The following SH3PXD2A variants were observed in gnomAD, a reference collection of about 807,000 sequenced individuals.
SH3PXD2A encodes SH3 and PX domain-containing protein 2A.
In SH3PXD2A, 32 loss-of-function variants were observed where a neutral mutation model predicts 115.2. The observed-to-expected ratio is 0.28, with a 90% CI of 0.21 to 0.37. The LOEUF (loss-of-function observed/expected upper bound fraction) is 0.37. SH3PXD2A is among the 10% of genes least tolerant of loss of function. The probability of loss-of-function intolerance (pLI) is 1.00; values close to 1 mark genes in which losing one functional copy is unlikely to be tolerated. For synonymous variants in SH3PXD2A, 610 were observed against 629.1 expected (o/e 0.97, Z 0.45); for missense variants, 1,328 against 1,498.7 (o/e 0.89, Z 1.88).
At chr10:103,643,509 A>G (rs2036986146) in intron 8 of SH3PXD2A, among the ~76,000 whole-genome samples, 1 of 152,230 alleles carries the variant, frequency 6.6e-6, no homozygotes, top group Non-Finnish European at 1.5e-5. Flanking sequence ...AACACATACA[A>G]TGAAACAATG....
intron 11 of SH3PXD2A, among the ~76,000 whole-genome samples, chr10:103,616,927 T>C (rs993489379): frequency 2.6e-5 from 4 of 152,268 alleles, no homozygotes; most frequent in African/African-American, 9.6e-5. Context: ...TGGGAAGGGA[T>C]TGCACCACAG....
chr10:103,711,328 T>C (rs1026807795), intron 5 of SH3PXD2A, among the ~76,000 whole-genome samples: 3 of 152,250 alleles, frequency 2.0e-5, no homozygotes, highest in African/African-American at 7.2e-5. Context: ...CTGCACCTAC[T>C]GGCCTTCTAA....
At chr10:103,786,646 A>G (rs1309738386) in intron 2 of SH3PXD2A, among the ~76,000 whole-genome samples, 1 of 152,184 alleles carries the variant, frequency 6.6e-6, no homozygotes, top group Non-Finnish European at 1.5e-5. Context: ...GCCTTGTGAC[A>G]CAGTGAGACC....
At chr10:103,810,979 C>T (rs887398514) in intron 1 of SH3PXD2A, among the ~76,000 whole-genome samples, 1 of 148,096 alleles carries the variant, frequency 6.8e-6, no homozygotes, top group African/African-American at 2.5e-5. Context: ...CACACACACA[C>T]ACACGGCAGT....
intron 1 of SH3PXD2A, among the ~76,000 whole-genome samples, chr10:103,805,292 T>A (rs770152884): frequency 1.3e-5 from 2 of 152,166 alleles, no homozygotes; most frequent in Non-Finnish European, 2.9e-5. Context: ...GGAAAGGGCA[T>A]GGCCAGGTAG....
At chr10:103,787,970 C>G (rs2038996541) in intron 2 of SH3PXD2A, among the ~76,000 whole-genome samples, 1 of 152,114 alleles carries the variant, frequency 6.6e-6, no homozygotes, top group Non-Finnish European at 1.5e-5. Flanking sequence ...GCTTTGGGGT[C>G]TGTCTCCTCA....
In SH3PXD2A at chr10:103,799,520, CT is replaced by C. The variant is rs377717245; in HGVS notation, c.153+1761del. On this transcript the variant is annotated intron_variant, in intron 2 of 14. Coordinates refer to ENST00000369774, the MANE Select transcript of SH3PXD2A (RefSeq NM_001394015.1). ...TAGCTGCTCCCTGCTTGCGTATCCC[CT>C]TTCCACACACAGGGAATGAGCCCTC... Among the ~76,000 whole-genome samples the C allele has an allele frequency of 5.2e-4, 80 of 152,398 alleles. 1 individual carries two copies. Among genetic ancestry groups the C allele is most frequent in the Middle Eastern group, 3.4e-3 (1 of 294 alleles).
At chr10:103,691,438 C>T (rs898256133) in intron 6 of SH3PXD2A, among the ~76,000 whole-genome samples, 1 of 152,072 alleles carries the variant, frequency 6.6e-6, no homozygotes, top group Admixed American at 6.5e-5. Context: ...GGACACTATA[C>T]GTCTGAGGCC....
chr10:103,809,095 G>A (rs765344022), intron 1 of SH3PXD2A, among the ~76,000 whole-genome samples: 1 of 152,216 alleles, frequency 6.6e-6, no homozygotes, highest in South Asian at 2.1e-4. Context: ...GCCTGAGAAC[G>A]ATGAGGACCC....
Position 103,596,663 on chromosome 10 carries a change from A to ACACACACACTCTCTCTCT in SH3PXD2A, c.*5152_*5153insAGAGAGAGAGTGTGTGTG. ...CACACACACACACACACACACACAC[A>ACACACACACTCTCTCTCT]CTCTCTCTCTCTCTCTCTCTCTCAC... On this transcript the variant is annotated 3_prime_UTR_variant, in exon 15 of 15. Coordinates refer to ENST00000369774, the MANE Select transcript of SH3PXD2A (RefSeq NM_001394015.1). 279 of 124,496 alleles carry ACACACACACTCTCTCTCT rather than the reference A, an allele frequency of 2.2e-3. 2 individuals are homozygous for ACACACACACTCTCTCTCT. The highest frequency in any genetic ancestry group is 8.5e-3 in the African/African-American group (269 of 31,738). The allele number at this position is 124,496 out of a possible 1,614,324, so 7.7% of individuals were successfully genotyped here.
At chr10:103,658,246 T>C (rs1331304195) in intron 8 of SH3PXD2A, among the ~76,000 whole-genome samples, 1 of 152,128 alleles carries the variant, frequency 6.6e-6, no homozygotes, top group African/African-American at 2.4e-5. Flanking sequence ...CTTGAGGCAC[T>C]CCCAGCCAAG....
In SH3PXD2A at chr10:103,602,811, G is replaced by T. The variant is rs1252421492; in HGVS notation, c.2407C>A (p.Pro803Thr). The stretch of plus-strand genomic sequence containing the variant: ...GGAGCCTCGGAGGCCGTCTGCGGGG[G>T]CAGCTCCGAATCCTCACTCTTGGAG... ...KGSKSEDSEL[P>T]PQTASEAPSE... Residue 803 changes from proline (P) to threonine (T), a missense_variant, in exon 15 of 15, where the codon CCC becomes ACC. Around this residue, in one of 5 missense-constraint regions of SH3PXD2A, gnomAD observed 574 missense variants for 565.7 expected, o/e 1.01. Coordinates refer to ENST00000369774, the MANE Select transcript of SH3PXD2A (RefSeq NM_001394015.1). The T allele has an allele frequency of 6.2e-7, 1 of 1,614,044 alleles. No individual in the cohort carries two copies. The highest frequency in any genetic ancestry group is 8.5e-7 in the Non-Finnish European group (1 of 1,180,034).
chr10:103,839,404 C>G (rs1187853681), intron 1 of SH3PXD2A, among the ~76,000 whole-genome samples: 1 of 152,204 alleles, frequency 6.6e-6, no homozygotes, highest in Admixed American at 6.5e-5. Context: ...AGAGCATATG[C>G]TATTCCAGTC....
At chr10:103,843,942 A>G (rs985231342) in intron 1 of SH3PXD2A, among the ~76,000 whole-genome samples, 9 of 151,720 alleles carry the variant, frequency 5.9e-5, no homozygotes, top group African/African-American at 2.2e-4. Flanking sequence ...TCTAAAATGG[A>G]CTCCACCCAT....
chr10:103,760,218 C>T (rs1211501961), intron 3 of SH3PXD2A, among the ~76,000 whole-genome samples: 1 of 152,156 alleles, frequency 6.6e-6, no homozygotes, highest in Non-Finnish European at 1.5e-5. Context: ...CATCTGAGCC[C>T]GTCTTGTCAC....
Position 103,682,767 on chromosome 10 carries a change from A to C in SH3PXD2A, c.427+10261T>G, listed in dbSNP as rs1019790400. 7.9e-5 allele frequency among the ~76,000 whole-genome samples: 12 copies of C among 151,916 alleles called. No homozygotes were observed. The East Asian group carries it at 2.1e-3, about 27-fold the overall frequency. ...GCCAGATTCCGTCTCAAAAAAAAAAAAAACAAAACAAACCACGAGCCTGGG... is the reference window on the plus strand; with the variant it reads ...GCCAGATTCCGTCTCAAAAAAAAAACAAACAAAACAAACCACGAGCCTGGG... On this transcript the variant is annotated intron_variant, in intron 6 of 14. Coordinates refer to ENST00000369774, the MANE Select transcript of SH3PXD2A (RefSeq NM_001394015.1).
At chr10:103,676,034 C>T (rs182554476) in intron 6 of SH3PXD2A, among the ~76,000 whole-genome samples, 3 of 151,624 alleles carry the variant, frequency 2.0e-5, no homozygotes, top group African/African-American at 7.3e-5. Flanking sequence ...AGCGAAACTC[C>T]GTCTCGGGGG....
In SH3PXD2A at chr10:103,746,631, T is replaced by C. The variant is rs1487881423; in HGVS notation, c.230-10823A>G. Reference sequence around the variant, plus strand: ...GCCTCAGAATAATATTCTCAAACCATAACCCTTGCTTAACCCTTTCAGTGA... The same window carrying C: ...GCCTCAGAATAATATTCTCAAACCACAACCCTTGCTTAACCCTTTCAGTGA... On this transcript the variant is annotated intron_variant, in intron 3 of 14. Coordinates refer to ENST00000369774, the MANE Select transcript of SH3PXD2A (RefSeq NM_001394015.1). This position sits in a 1 kb window ranked among gnomAD's most constrained non-coding sequence, Gnocchi z 4.4. Among the ~76,000 whole-genome samples, 5 of 152,132 alleles carry C rather than the reference T, an allele frequency of 3.3e-5. No homozygotes were observed. The highest frequency in any genetic ancestry group is 1.9e-4 in the East Asian group (1 of 5,186).
rs532198815 is a variant in SH3PXD2A, at chr10:103,635,966, G to A, written c.605-8764C>T. ...AGGGAAGGGAGGATGTCCCAGCCCC[G>A]GGAGGGAAAAGCTGGGGCCCAAGCA... On this transcript the variant is annotated intron_variant, in intron 8 of 14. Coordinates refer to ENST00000369774, the MANE Select transcript of SH3PXD2A (RefSeq NM_001394015.1). Among the ~76,000 whole-genome samples the A allele has an allele frequency of 2.6e-3, 399 of 152,304 alleles. 3 individuals carry two copies. Among genetic ancestry groups the A allele is most frequent in the Non-Finnish European group, 1.5e-3 (105 of 68,026 alleles).
Sources: gnomAD v4.1 joint callset for allele counts (sites outside exome capture counted in the v4.1 genomes callset) on GRCh38, gnomAD v4.1.1 for gene constraint, gnomAD v4.1.1 regional missense constraint, Gnocchi (gnomAD v3.1) non-coding constraint, MANE v1.5 for transcripts, NCBI Gene and HGNC (gene_info 2026-07-23, HGNC 2026-07-21) for gene names.